Variants in SLIT3 observed in about 807,000 individuals in gnomAD.
SLIT3 encodes the protein slit homolog 3 protein.
Under a neutral mutation model 184.0 loss-of-function variants are expected in SLIT3, and 68 were observed. The ratio of observed to expected loss-of-function variants is 0.37; its 90% CI spans 0.30 to 0.45. The LOEUF is 0.45. SLIT3 is among the 20% of genes least tolerant of loss of function. SLIT3 has a pLI of 1.00. For synonymous variants in SLIT3, 831 were observed against 828.6 expected, an observed-to-expected ratio of 1.00 and a Z score of -0.05; for missense variants, 1,707 against 2,026.0, an observed-to-expected ratio of 0.84 and a Z score of 3.02.
At chr5:168,970,179 T>TAAACAAAC (rs56753863) in intron 4 of SLIT3, among the ~76,000 whole-genome samples, 5,919 of 141,698 alleles carry the variant, frequency 0.042, 156 homozygotes, top group Middle Eastern at 0.086. Context: ...AGACTCTGTC[T>TAAACAAAC]AAACAAACAA....
chr5:169,253,056 C>A (rs1166804313), intron 1 of SLIT3, among the ~76,000 whole-genome samples: 2 of 151,424 alleles, frequency 1.3e-5, no homozygotes, highest in East Asian at 3.9e-4. Context: ...TTAGACTTCT[C>A]TGGCTAATCT....
At chr5:168,918,197 A>C (rs1233708934) in intron 4 of SLIT3, among the ~76,000 whole-genome samples, 3 of 152,220 alleles carry the variant, frequency 2.0e-5, no homozygotes, top group African/African-American at 7.2e-5. Flanking sequence ...AAAGAGAACC[A>C]CATGCTGAGA....
intron 32 of SLIT3, among the ~76,000 whole-genome samples, chr5:168,679,669 T>C (rs753239241): frequency 3.3e-5 from 5 of 151,988 alleles, no homozygotes; most frequent in Non-Finnish European, 5.9e-5. Context: ...TAACAAAAAG[T>C]TCCTGGGATT....
At chr5:169,230,968 T>C (rs1026922994) in intron 3 of SLIT3, among the ~76,000 whole-genome samples, 14 of 152,372 alleles carry the variant, frequency 9.2e-5, no homozygotes, top group Non-Finnish European at 7.3e-5. Flanking sequence ...TTCATTTTGC[T>C]ACATTTGTTT....
chr5:168,851,645 C>A (rs1053003994), intron 5 of SLIT3, among the ~76,000 whole-genome samples: 4 of 152,220 alleles, frequency 2.6e-5, no homozygotes, highest in East Asian at 1.9e-4. Flanking sequence ...GGGTTTTATA[C>A]CTCGGTGGCC....
chr5:168,820,707 T>A (rs1263010080), intron 7 of SLIT3, among the ~76,000 whole-genome samples: 3 of 152,214 alleles, frequency 2.0e-5, no homozygotes, highest in Non-Finnish European at 4.4e-5. Context: ...GGACACATCA[T>A]ATTCCATGTT....
intron 14 of SLIT3, chr5:168,772,542 C>T (rs1242722446): frequency 1.1e-5 from 6 of 528,864 alleles, no homozygotes; most frequent in Non-Finnish European, 2.0e-5. Flanking sequence ...GTCTCCCCTG[C>T]AACCGTCTCC....
Position 168,666,129 on chromosome 5 carries a change from T to A in SLIT3, c.*325A>T, listed in dbSNP as rs1299555382. The A allele has an allele frequency of 5.2e-6, 1 of 191,662 alleles. No individual in the cohort carries two copies. Among genetic ancestry groups the A allele is most frequent in the African/African-American group, 2.3e-5 (1 of 43,020 alleles). 11.9% of individuals were successfully genotyped at this position (191,662 alleles called of 1,614,324 possible). A position where few individuals can be genotyped will look rare whatever the true frequency, so the allele number is the denominator to read the frequency against. On this transcript the variant is annotated 3_prime_UTR_variant, in exon 36 of 36. Coordinates refer to ENST00000519560, the MANE Select transcript of SLIT3 (RefSeq NM_003062.4). The stretch of plus-strand genomic sequence containing the variant: ...TTTTGTTTTAAAGCATTTTTATTAG[T>A]CTATTTTTTTCTTAAATTTTTAAAC...
At position 168,932,258 on chromosome 5, in the gene SLIT3, G is replaced by GTTTT. The variant is rs373049439; in HGVS notation, c.414-48926_414-48923dup. On this transcript the variant is annotated intron_variant, in intron 4 of 35. Coordinates refer to ENST00000519560, the MANE Select transcript of SLIT3 (RefSeq NM_003062.4). ...GACACAGTTTTTTTGTTGTTGTTGT[G>GTTTT]TTTTTTTTTTTTTTTTGGTACAAGG... Among the ~76,000 whole-genome samples, 888 of 103,512 alleles carry GTTTT rather than the reference G, an allele frequency of 8.6e-3. 48 individuals carry two copies. The highest frequency in any genetic ancestry group is 0.031 in the African/African-American group (837 of 27,182). The allele number at this position is 103,512 out of a possible 152,430, so 67.9% of individuals were successfully genotyped here. A position where few individuals can be genotyped will look rare whatever the true frequency, so the allele number is the denominator to read the frequency against.
At chr5:169,018,225 G>A (rs1218411541) in intron 4 of SLIT3, among the ~76,000 whole-genome samples, 1 of 152,226 alleles carries the variant, frequency 6.6e-6, no homozygotes, top group East Asian at 1.9e-4. Context: ...CTCCTGGGGT[G>A]ATTCCTATCT....
At chr5:168,761,564 CATTA>C (rs1283646434) in intron 15 of SLIT3, among the ~76,000 whole-genome samples, 1 of 152,004 alleles carries the variant, frequency 6.6e-6, no homozygotes, top group Non-Finnish European at 1.5e-5. Context: ...AGGAGGTAGG[CATTA>C]ATTATCTCCC....
rs141584487 is a variant in SLIT3, at chr5:168,710,967, G to A, written c.2647C>T (p.Arg883Cys). The part of the protein sequence containing the change: ...KAGYKEPGIA[R>C]CSSPEPMADR... ...GCCATGGGCTCAGGGCTACTGCAGCGGGCGATGCCAGGCTCCTTGTACCCC... is the reference window on the plus strand; with the variant it reads ...GCCATGGGCTCAGGGCTACTGCAGCAGGCGATGCCAGGCTCCTTGTACCCC... The change falls in exon 25 of 36, where the codon CGC becomes TGC. Residue 883 changes from arginine to cysteine, a missense_variant. Around this residue, in one of 3 missense-constraint regions of SLIT3, gnomAD observed 1,307 missense variants for 1,511.6 expected, o/e 0.86. Coordinates refer to ENST00000519560, the MANE Select transcript of SLIT3 (RefSeq NM_003062.4). 27 of 1,566,066 alleles carry A rather than the reference G, an allele frequency of 1.7e-5. No homozygotes were observed. Among genetic ancestry groups the A allele is most frequent in the Non-Finnish European group, 2.2e-5 (25 of 1,154,528 alleles).
At chr5:168,894,563 A>G (rs1222827202) in intron 4 of SLIT3, among the ~76,000 whole-genome samples, 1 of 152,182 alleles carries the variant, frequency 6.6e-6, no homozygotes, top group East Asian at 1.9e-4. Context: ...TAATGCTCCT[A>G]GAACAGGCTT....
chr5:168,984,447 C>T lies in SLIT3; in HGVS notation c.414-101111G>A, dbSNP rs368818901. 2.0e-5 allele frequency among the ~76,000 whole-genome samples: 3 copies of T among 152,148 alleles called. No individual in the cohort carries two copies. The East Asian group carries it at 5.8e-4, about 29-fold the overall frequency. On this transcript the variant is annotated intron_variant, in intron 4 of 35. Coordinates refer to ENST00000519560, the MANE Select transcript of SLIT3 (RefSeq NM_003062.4). ...CACCTGGCATGCTTCCTGTCAATAC[C>T]CTCTCTTTTGGCTCACTTTGTCTTT...
intron 4 of SLIT3, among the ~76,000 whole-genome samples, chr5:168,940,930 C>T (rs1035948708): frequency 2.6e-5 from 4 of 152,098 alleles, no homozygotes; most frequent in Non-Finnish European, 4.4e-5. Flanking sequence ...CACTCAGGAT[C>T]CCCCAGGACT....
chr5:168,787,740 A>G (rs1014413906), intron 11 of SLIT3, among the ~76,000 whole-genome samples: 1 of 152,160 alleles, frequency 6.6e-6, no homozygotes. Flanking sequence ...TAGACCCCAA[A>G]ATAGAAGAGT....
chr5:168,874,614 G>C (rs1359938834), intron 5 of SLIT3, among the ~76,000 whole-genome samples: 1 of 152,202 alleles, frequency 6.6e-6, no homozygotes, highest in African/African-American at 2.4e-5. Flanking sequence ...TACTGTCTAT[G>C]AAACTGTGTC....
chr5:169,052,229 G>T (rs1757843223), intron 4 of SLIT3, among the ~76,000 whole-genome samples: 1 of 152,160 alleles, frequency 6.6e-6, no homozygotes, highest in African/African-American at 2.4e-5. Flanking sequence ...CTGTCCCAAG[G>T]CTTGTGATTT....
Position 168,898,070 on chromosome 5 carries a change from A to G in SLIT3, c.414-14734T>C, listed in dbSNP as rs556878498. On this transcript the variant is annotated intron_variant, in intron 4 of 35. Coordinates refer to ENST00000519560, the MANE Select transcript of SLIT3 (RefSeq NM_003062.4). The stretch of plus-strand genomic sequence containing the variant: ...TGTGGTTTCAAACTTTTTACATTAC[A>G]AAGCGAGTTTTTAAAAGCTCCATAA... Among the ~76,000 whole-genome samples the G allele has an allele frequency of 1.2e-3, 180 of 152,344 alleles. 1 individual carries two copies. Among genetic ancestry groups the G allele is most frequent in the African/African-American group, 4.1e-3 (171 of 41,590 alleles).
Sources: allele counts gnomAD v4.1 joint callset (sites outside exome capture counted in the v4.1 genomes callset), GRCh38; gene constraint gnomAD v4.1.1; regional missense constraint gnomAD v4.1.1; transcripts MANE v1.5; gene names NCBI Gene and HGNC (gene_info 2026-07-23, HGNC 2026-07-21).